Variants in PNPLA3 observed in about 807,000 individuals in gnomAD.
PNPLA3 encodes the protein 1-acylglycerol-3-phosphate O-acyltransferase PNPLA3.
PNPLA3 carries 42 observed loss-of-function variants against 43.1 expected under a neutral mutation model. The ratio of observed to expected loss-of-function variants is 0.97; its 90% CI spans 0.76 to 1.26. The LOEUF is 1.26. PNPLA3 is among the 50% of genes most tolerant of loss of function. The pLI is 0.00. For synonymous variants in PNPLA3, 272 were observed against 253.6 expected (o/e 1.07, Z -0.69); for missense variants, 647 against 621.4 (o/e 1.04, Z -0.44).
chr22:43,923,809 A>C lies in PNPLA3; in HGVS notation c.-103A>C. On this transcript the variant is annotated 5_prime_UTR_variant, in exon 1 of 9. Transcript: ENST00000216180. ...GCCGAGACACTGAGGCAGGGTAGAG[A>C]GCGCTTGCGGGCGCCGGGCGGAGCT... is the stretch of plus-strand genomic sequence containing the variant. 1 of 1,179,200 alleles carries C rather than the reference A, an allele frequency of 8.5e-7. No homozygotes were observed. Among genetic ancestry groups the C allele is most frequent in the Non-Finnish European group, 1.1e-6 (1 of 888,922 alleles). The allele number at this position is 1,179,200 out of a possible 1,614,324, so 73.0% of individuals were successfully genotyped here. A position where few individuals can be genotyped will look rare whatever the true frequency, so the allele number is the denominator to read the frequency against.
At position 43,928,695 on chromosome 22, in the gene PNPLA3, G is replaced by T; in HGVS notation, c.421-129G>T. The stretch of plus-strand genomic sequence containing the variant: ...TAGTTCCCCGTTCTTTTGACCCATG[G>T]ATTAACCTACTCTGTGCAAAGGGCA... On this transcript the variant is annotated intron_variant, in intron 2 of 8. Transcript: ENST00000216180. The T allele has an allele frequency of 7.4e-6, 3 of 404,720 alleles. 1 individual carries two copies. In the South Asian group the frequency reaches 7.5e-5, roughly 10 times the overall value. 25.1% of individuals were successfully genotyped at this position (404,720 alleles called of 1,614,324 possible).
chr22:43,937,003 A>T, intron 5 of PNPLA3, 48 bp from the exon 6 acceptor site: 1 of 1,513,510 alleles, frequency 6.6e-7, no homozygotes, highest in Non-Finnish European at 9.0e-7. Context: ...GGTAACGACC[A>T]CCACTCCCAC....
intron 1 of PNPLA3, 92 bp downstream of exon 1, chr22:43,924,190 G>A: frequency 7.6e-7 from 1 of 1,321,960 alleles, no homozygotes; most frequent in Admixed American, 3.9e-5. Context: ...CGGGGCCCTG[G>A]AGGAGCGGGC....
intron 4 of PNPLA3, 138 bp downstream of exon 4, chr22:43,933,225 G>C (rs1254084973): frequency 2.5e-6 from 2 of 816,252 alleles, no homozygotes; most frequent in Admixed American, 5.3e-5. Context: ...AATAAAAGGC[G>C]CTTGTCCCAG....
intron 3 of PNPLA3, among the ~76,000 whole-genome samples, 171 bp from the exon 4 acceptor site, chr22:43,932,707 A>C (rs1569011624): frequency 6.6e-6 from 1 of 152,194 alleles, no homozygotes; most frequent in African/African-American, 2.4e-5. Flanking sequence ...CTAGCACCGG[A>C]ATGCTCGGTA....
Position 43,937,235 on chromosome 22 carries a change from G to A in PNPLA3, c.942G>A (p.Glu314=). ...HLRLSILPWD[E]SILDTLSPRL... ...GTCTCAGCATCCTGCCCTGGGATGAGAGCATCCTGGACACCCTCTCGCCCA... is the reference window on the plus strand; with the variant it reads ...GTCTCAGCATCCTGCCCTGGGATGAAAGCATCCTGGACACCCTCTCGCCCA... The change falls in exon 6 of 9, where the codon GAG becomes GAA. Residue 314 remains glutamate, a synonymous_variant. Coordinates refer to ENST00000216180, the MANE Select transcript of PNPLA3 (RefSeq NM_025225.3). The A allele has an allele frequency of 3.7e-6, 6 of 1,614,042 alleles. No homozygotes were observed. The highest frequency in any genetic ancestry group is 1.1e-5 in the South Asian group (1 of 91,088).
At position 43,923,809 on chromosome 22, in the gene PNPLA3, A is replaced by G; in HGVS notation, c.-103A>G. 8.5e-7 allele frequency: 1 copy of G among 1,179,200 alleles called. No homozygotes were observed. The allele number at this position is 1,179,200 out of a possible 1,614,324, so 73.0% of individuals were successfully genotyped here. On this transcript the variant is annotated 5_prime_UTR_variant, in exon 1 of 9. Coordinates refer to ENST00000216180, the MANE Select transcript of PNPLA3 (RefSeq NM_025225.3). ...GCCGAGACACTGAGGCAGGGTAGAG[A>G]GCGCTTGCGGGCGCCGGGCGGAGCT...
intron 1 of PNPLA3, among the ~76,000 whole-genome samples, chr22:43,924,639 CTTTTCTTT>C (rs1476668712): frequency 2.0e-5 from 3 of 151,664 alleles, no homozygotes; most frequent in Admixed American, 6.6e-5. Context: ...CTGCGCTTTT[CTTTTCTTT>C]TTTTCTTTTT....
At chr22:43,924,836 G>A (rs1223967388) in intron 1 of PNPLA3, among the ~76,000 whole-genome samples, 2 of 152,022 alleles carry the variant, frequency 1.3e-5, no homozygotes, top group South Asian at 2.1e-4. Context: ...TTTTAGTAGA[G>A]ACGGGGTTTC....
chr22:43,939,498 C>A, intron 6 of PNPLA3: 1 of 837,080 alleles, frequency 1.2e-6, no homozygotes, highest in Non-Finnish European at 1.5e-6. Context: ...CCCGCTTCAG[C>A]TTCACACTGC....
intron 7 of PNPLA3, among the ~76,000 whole-genome samples, chr22:43,940,955 A>G (rs963842323): frequency 2.6e-5 from 4 of 152,114 alleles, no homozygotes; most frequent in African/African-American, 9.7e-5. Context: ...CCTGGCCAAC[A>G]TGGTGAAACC....
At chr22:43,931,353 A>G (rs1395325899) in intron 3 of PNPLA3, among the ~76,000 whole-genome samples, 1 of 152,150 alleles carries the variant, frequency 6.6e-6, no homozygotes, top group South Asian at 2.1e-4. Flanking sequence ...AATTCAAAAC[A>G]TTACTATAAA....
chr22:43,939,966 A>C (rs1465422704), intron 6 of PNPLA3, 27 bp from the exon 7 acceptor site: 2 of 1,614,036 alleles, frequency 1.2e-6, no homozygotes, highest in East Asian at 4.5e-5. Context: ...GTGGTGGGAG[A>C]TAATAGCTCC....
At chr22:43,945,383 G>A (rs552428802) in intron 8 of PNPLA3, among the ~76,000 whole-genome samples, 34 of 152,260 alleles carry the variant, frequency 2.2e-4, no homozygotes, top group South Asian at 4.1e-4. Context: ...AAACTGAGCC[G>A]GAGTTCAGGG....
intron 7 of PNPLA3, among the ~76,000 whole-genome samples, chr22:43,941,445 A>G (rs2050030711): frequency 6.6e-6 from 1 of 152,096 alleles, no homozygotes; most frequent in Admixed American, 6.6e-5. Context: ...GTGACTCCAG[A>G]TGACTGAATC....
At chr22:43,932,772 G>C (rs1947686400) in intron 3 of PNPLA3, 106 bp from the exon 4 acceptor site, 1 of 984,454 alleles carries the variant, frequency 1.0e-6, no homozygotes, top group South Asian at 1.4e-5. Flanking sequence ...ATATCAGCCT[G>C]TTTGTGGCTC....
chr22:43,924,391 T>C (rs1196680730), intron 1 of PNPLA3: 1 of 398,180 alleles, frequency 2.5e-6, no homozygotes, highest in East Asian at 4.3e-5. Context: ...GACCCTCACC[T>C]CCGGACTGAG....
At position 43,923,860 on chromosome 22, in the gene PNPLA3, T is replaced by A. The variant is rs554192316; in HGVS notation, c.-52T>A. ...GCTGCGGATCAGGACCCGAGCCGAT[T>A]CCCGATCCCGACCCAGATCCTAACC... On this transcript the variant is annotated 5_prime_UTR_variant, in exon 1 of 9. Coordinates refer to ENST00000216180, the MANE Select transcript of PNPLA3 (RefSeq NM_025225.3). The A allele has an allele frequency of 1.5e-3, 2,206 of 1,428,450 alleles. 5 individuals carry two copies. The highest frequency in any genetic ancestry group is 1.9e-3 in the Non-Finnish European group (2,111 of 1,093,710). 88.5% of individuals were successfully genotyped at this position (1,428,450 alleles called of 1,614,324 possible).
intron 5 of PNPLA3, among the ~76,000 whole-genome samples, chr22:43,936,240 C>T (rs1247910177): frequency 1.3e-5 from 2 of 151,826 alleles, no homozygotes; most frequent in Non-Finnish European, 2.9e-5. Flanking sequence ...AGTGACATCT[C>T]GGAGGGTGAG....
Sources: gnomAD v4.1 joint callset for allele counts (sites outside exome capture counted in the v4.1 genomes callset) on GRCh38, gnomAD v4.1.1 for gene constraint, MANE v1.5 for transcripts, NCBI Gene and HGNC (gene_info 2026-07-23, HGNC 2026-07-21) for gene names.